FRMD6: variants seen among roughly 807,000 people sequenced by gnomAD.
The protein encoded by FRMD6 is FERM domain containing 6.
A neutral mutation model predicts 73.2 loss-of-function variants in FRMD6; 37 were observed. The observed-to-expected ratio is 0.51, with a 90% CI of 0.39 to 0.66. The LOEUF (loss-of-function observed/expected upper bound fraction) is 0.66, where lower values mean the gene tolerates loss of function less well. Among genes scored for constraint, FRMD6 ranks in the 30% least tolerant of loss-of-function variants. FRMD6 has a pLI of 0.00. For missense variants in FRMD6, 714 were observed against 780.5 expected (o/e 0.91, Z 1.02); for synonymous variants, 273 against 282.2 (o/e 0.97, Z 0.33).
chr14:51,672,215 G>C (rs1323776455), intron 1 of FRMD6, among the ~76,000 whole-genome samples: 1 of 152,230 alleles, frequency 6.6e-6, no homozygotes, highest in African/African-American at 2.4e-5. Flanking sequence ...TTTGCTTGCT[G>C]ACTGTCTGGA....
chr14:51,516,067 A>T (rs1418470420), intron 1 of FRMD6, among the ~76,000 whole-genome samples: 1 of 152,092 alleles, frequency 6.6e-6, no homozygotes, highest in Non-Finnish European at 1.5e-5. Flanking sequence ...CTTCATCTCC[A>T]AGTTCTGTGG....
the FRMD6 span, among the ~76,000 whole-genome samples, chr14:51,473,669 T>C: frequency 6.6e-6 from 1 of 152,178 alleles, no homozygotes; most frequent in Non-Finnish European, 1.5e-5. Context: ...TGGCTCTATC[T>C]CAGGGAGTTT....
At chr14:51,512,684 C>T (rs140919008) in intron 1 of FRMD6, among the ~76,000 whole-genome samples, 1 of 151,822 alleles carries the variant, frequency 6.6e-6, no homozygotes, top group Non-Finnish European at 1.5e-5. Context: ...TCGGTGGGTT[C>T]TAGCAGCTGT....
upstream of FRMD6, chr14:51,651,867 C>G (rs1186292264): frequency 6.9e-6 from 1 of 144,660 alleles, no homozygotes; most frequent in Admixed American, 6.8e-5. Context: ...GGGGGCGGGG[C>G]GGACGCGGAG....
chr14:51,416,205 T>G, the FRMD6 span, among the ~76,000 whole-genome samples: 1 of 152,216 alleles, frequency 6.6e-6, no homozygotes, highest in East Asian at 1.9e-4. Flanking sequence ...CTTTTGAATT[T>G]GTTTGCTCTT....
Position 51,684,557 on chromosome 14 carries a change from C to T in FRMD6, c.-146-5134C>T, listed in dbSNP as rs185769163. Among the ~76,000 whole-genome samples the T allele has an allele frequency of 5.7e-4, 87 of 152,172 alleles. 2 individuals are homozygous for T. In the East Asian group the frequency reaches 0.014, roughly 24 times the overall value. ...AGCCCATAGTGTCTCTATATGGAAA[C>T]CTGTGGAGCACTAGTTCTCAACCAT... On this transcript the variant is annotated intron_variant, in intron 1 of 13. Coordinates refer to ENST00000344768, the MANE Select transcript of FRMD6 (RefSeq NM_001267046.2).
In FRMD6 at chr14:51,708,162, G is replaced by A. The variant is rs200867313; in HGVS notation, c.643G>A (p.Ala215Thr). ...TCAGTTTGCACTAACAGCTTCCGAA[G>A]CTCATCTTAAATATATCAAAGAGGC... ...KDQFALTASEAHLKYIKEAVR... is the reference protein window; with the variant it reads ...KDQFALTASETHLKYIKEAVR... Residue 215 changes from alanine (A) to threonine (T), a missense_variant, in exon 7 of 14, where the codon GCT becomes ACT. Coordinates refer to ENST00000344768, the MANE Select transcript of FRMD6 (RefSeq NM_001267046.2). 131 of 1,613,130 alleles carry A rather than the reference G, an allele frequency of 8.1e-5. No individual in the cohort carries two copies. Among genetic ancestry groups the A allele is most frequent in the Non-Finnish European group, 7.5e-5 (88 of 1,179,488 alleles).
the FRMD6 span, among the ~76,000 whole-genome samples, chr14:51,470,487 G>A: frequency 3.4e-4 from 52 of 151,602 alleles, no homozygotes; most frequent in East Asian, 8.0e-3. Flanking sequence ...GCAACAGAGC[G>A]AGACTCCGTC....
the FRMD6 span, among the ~76,000 whole-genome samples, chr14:51,418,689 G>A: frequency 3.2e-4 from 48 of 152,336 alleles, no homozygotes; most frequent in Non-Finnish European, 5.4e-4. Context: ...ACTGTGCTGG[G>A]AGAACCACTG....
At chr14:51,699,312 A>G (rs1057201666) in intron 3 of FRMD6, among the ~76,000 whole-genome samples, 7 of 152,118 alleles carry the variant, frequency 4.6e-5, no homozygotes, top group African/African-American at 1.7e-4. Context: ...GTGTTAGTGC[A>G]TACTTCAGTC....
At chr14:51,711,465 T>G in intron 7 of FRMD6, 66 bp from the exon 8 acceptor site, 1 of 1,049,600 alleles carries the variant, frequency 9.5e-7, no homozygotes, top group South Asian at 1.6e-5. Flanking sequence ...TCTTTGGTGC[T>G]AAATTGTCCA....
chr14:51,571,999 C>T (rs1888158494), intron 2 of FRMD6, among the ~76,000 whole-genome samples: 1 of 152,258 alleles, frequency 6.6e-6, no homozygotes, highest in African/African-American at 2.4e-5. Flanking sequence ...AACACCACTA[C>T]TATGTTTTAT....
the FRMD6 span, among the ~76,000 whole-genome samples, chr14:51,443,270 C>T: frequency 5.3e-5 from 8 of 152,344 alleles, no homozygotes; most frequent in South Asian, 1.4e-3. Flanking sequence ...GGCAAGTCTG[C>T]TAAGGAAAAC....
the FRMD6 span, among the ~76,000 whole-genome samples, chr14:51,477,475 A>T: frequency 6.6e-6 from 1 of 151,338 alleles, no homozygotes; most frequent in Non-Finnish European, 1.5e-5. Context: ...GCATGAGGAT[A>T]CAAGGGGGGA....
chr14:51,671,512 T>C (rs982795390), intron 1 of FRMD6, among the ~76,000 whole-genome samples: 19 of 152,192 alleles, frequency 1.2e-4, no homozygotes, highest in Admixed American at 1.2e-3. Flanking sequence ...TAACATGTTA[T>C]AAGATACCTG....
intron 10 of FRMD6, among the ~76,000 whole-genome samples, chr14:51,716,303 T>G (rs140516396): frequency 3.3e-5 from 5 of 152,284 alleles, no homozygotes; most frequent in African/African-American, 1.2e-4. Flanking sequence ...TTTGTTTTTT[T>G]TTTTAATGCT....
At chr14:51,605,579 G>T (rs1022582257) in intron 2 of FRMD6, among the ~76,000 whole-genome samples, 2 of 151,978 alleles carry the variant, frequency 1.3e-5, no homozygotes, top group Non-Finnish European at 2.9e-5. Flanking sequence ...AATGTCCCTC[G>T]TGAAAATGCT....
chr14:51,591,769 C>T (rs1344605507), intron 2 of FRMD6, among the ~76,000 whole-genome samples: 4 of 152,170 alleles, frequency 2.6e-5, no homozygotes, highest in African/African-American at 9.7e-5. Context: ...TCTCAAACTC[C>T]TGACTTCGTG....
intron 1 of FRMD6, among the ~76,000 whole-genome samples, chr14:51,666,420 T>C (rs1370140800): frequency 6.6e-6 from 1 of 152,258 alleles, no homozygotes; most frequent in Non-Finnish European, 1.5e-5. Flanking sequence ...TTGAAGCTTT[T>C]ACTTTTTAGC....
Sources: gnomAD v4.1 joint callset for allele counts (sites outside exome capture counted in the v4.1 genomes callset) on GRCh38, gnomAD v4.1.1 for gene constraint, MANE v1.5 for transcripts, NCBI Gene and HGNC (gene_info 2026-07-23, HGNC 2026-07-21) for gene names.